BSCL2: variants seen among roughly 807,000 people sequenced by gnomAD.
BSCL2 encodes the protein BSCL2 lipid droplet biogenesis associated, seipin.
A neutral mutation model predicts 57.4 loss-of-function variants in BSCL2; 41 were observed. That is an observed-to-expected ratio of 0.71 (90% CI 0.56 to 0.93). BSCL2 has a LOEUF of 0.93. Among genes scored for constraint, BSCL2 ranks in the 40% least tolerant of loss-of-function variants. The probability of loss-of-function intolerance (pLI) is 0.00; values close to 1 mark genes in which losing one functional copy is unlikely to be tolerated. For synonymous variants in BSCL2, 237 were observed against 227.3 expected, an observed-to-expected ratio of 1.04 and a Z score of -0.38; for missense variants, 539 against 586.7, an observed-to-expected ratio of 0.92 and a Z score of 0.84.
chr11:62,692,475 T>C lies in BSCL2; in HGVS notation c.766-2A>G, dbSNP rs1013079991. The C allele has an allele frequency of 6.2e-7, 1 of 1,613,706 alleles. No individual in the cohort carries two copies. Among genetic ancestry groups the C allele is most frequent in the South Asian group, 1.1e-5 (1 of 91,078 alleles). On this transcript the variant is annotated splice_acceptor_variant, in intron 5 of 10. Coordinates refer to ENST00000360796, the MANE Select transcript of BSCL2 (RefSeq NM_001122955.4). LOFTEE classifies it high-confidence loss of function. Reference sequence around the variant, plus strand: ...GATCGCTCCAGTGGTCGGCACGTACTGTGAGGGGGTGGGGTGAGGGTGGCG... The same window carrying C: ...GATCGCTCCAGTGGTCGGCACGTACCGTGAGGGGGTGGGGTGAGGGTGGCG...
intron 7 of BSCL2, 50 bp from the exon 8 acceptor site, chr11:62,691,191 A>G: frequency 1.2e-6 from 2 of 1,613,884 alleles, no homozygotes; most frequent in Non-Finnish European, 1.7e-6. Context: ...CCTCACTAAC[A>G]ATCAGGACCC....
intron 6 of BSCL2, among the ~76,000 whole-genome samples, chr11:62,692,141 C>T (rs899754277): frequency 6.6e-6 from 1 of 151,186 alleles, no homozygotes; most frequent in Non-Finnish European, 1.5e-5. Flanking sequence ...GGAAGATGAA[C>T]AGGGATGATG....
intron 3 of BSCL2, among the ~76,000 whole-genome samples, chr11:62,702,076 T>C (rs1945659514): frequency 6.6e-6 from 1 of 151,682 alleles, no homozygotes; most frequent in South Asian, 2.1e-4. Context: ...AGTCTCCTTT[T>C]TTTTTTTAAG....
intron 1 of BSCL2, 144 bp downstream of exon 1, chr11:62,706,965 A>C: frequency 1.1e-5 from 8 of 727,824 alleles, no homozygotes; most frequent in Non-Finnish European, 1.9e-5. Context: ...TGTTGTGTAC[A>C]TCTTTGCACA....
upstream of BSCL2, chr11:62,708,883 C>A: frequency 9.0e-7 from 1 of 1,107,862 alleles, no homozygotes; most frequent in Non-Finnish European, 1.4e-6. Flanking sequence ...TGTTGTGAGC[C>A]CCTTAGGCTC....
chr11:62,708,653 A>T (rs368328809), upstream of BSCL2: 115 of 1,612,786 alleles, frequency 7.1e-5, no homozygotes, highest in African/African-American at 1.4e-3. Flanking sequence ...CCTGGCTAAC[A>T]ATACCCTTCC....
intron 3 of BSCL2, among the ~76,000 whole-genome samples, chr11:62,699,616 G>C (rs948829470): frequency 1.3e-5 from 2 of 151,666 alleles, no homozygotes; most frequent in African/African-American, 4.8e-5. Context: ...CCAGGTGGGA[G>C]GACTGCCTGA....
chr11:62,692,774 G>A lies in BSCL2; in HGVS notation c.654C>T (p.Asp218=), dbSNP rs1945347212. 3 of 1,613,718 alleles carry A rather than the reference G, an allele frequency of 1.9e-6. No homozygotes were observed. Among genetic ancestry groups the A allele is most frequent in the Non-Finnish European group, 2.5e-6 (3 of 1,180,010 alleles). The change falls in exon 5 of 11, where the codon GAC becomes GAT. Residue 218 remains aspartate (D), a synonymous_variant. Transcript: ENST00000360796. The part of the protein sequence containing the change: ...SRSVMLHYRS[D]LLQMLDTLVF... ...CCAGTGTGTCCAGCATCTGGAGCAGGTCTGAGCGGTAATGCAGCATCACCT... is the reference window on the plus strand; with the variant it reads ...CCAGTGTGTCCAGCATCTGGAGCAGATCTGAGCGGTAATGCAGCATCACCT...
At chr11:62,698,206 C>CAGAATCCGCATTTTACAG (rs1426241661) in intron 3 of BSCL2, among the ~76,000 whole-genome samples, 1 of 140,674 alleles carries the variant, frequency 7.1e-6, no homozygotes, top group South Asian at 2.2e-4. Context: ...CGTGCCCGGC[C>CAGAATCCGCATTTTACAG]TCTTCTTTTT....
intron 9 of BSCL2, 36 bp from the exon 10 acceptor site, chr11:62,690,728 G>A: frequency 1.9e-6 from 3 of 1,613,796 alleles, no homozygotes; most frequent in Middle Eastern, 1.6e-4. Context: ...GTCAGACCCA[G>A]ACACTGAAGG....
At chr11:62,703,803 T>C (rs1320977339) in intron 2 of BSCL2, among the ~76,000 whole-genome samples, 1 of 151,916 alleles carries the variant, frequency 6.6e-6, no homozygotes, top group Non-Finnish European at 1.5e-5. Flanking sequence ...CATCTGTTGA[T>C]AGGTCCTACA....
chr11:62,695,355 A>G (rs1440542311), intron 3 of BSCL2, among the ~76,000 whole-genome samples: 1 of 152,096 alleles, frequency 6.6e-6, no homozygotes, highest in Non-Finnish European at 1.5e-5. Context: ...GTAGTATATA[A>G]AAATTACAGG....
At chr11:62,702,408 G>C in intron 3 of BSCL2, 60 bp downstream of exon 3, 1 of 1,470,586 alleles carries the variant, frequency 6.8e-7, no homozygotes, top group Non-Finnish European at 9.5e-7. Context: ...CCTTTCTCAA[G>C]TCTTCCTATT....
intron 4 of BSCL2, among the ~76,000 whole-genome samples, chr11:62,694,197 T>A (rs1349754186): frequency 2.2e-4 from 1 of 4,548 alleles, no homozygotes; most frequent in Admixed American, 2.8e-3. Flanking sequence ...CAGACATTCT[T>A]TTTTTTTTTT....
rs1408377651 is a variant in BSCL2 at position 62,706,969 on chromosome 11, T to C, written c.87+140A>G. Reference sequence around the variant, plus strand: ...GGCAAGGCCAGTGTTGTGTACATCTTTGCACACTGCTGCGGGCGTGGGAAG... The same window carrying C: ...GGCAAGGCCAGTGTTGTGTACATCTCTGCACACTGCTGCGGGCGTGGGAAG... On this transcript the variant is annotated intron_variant, in intron 1 of 10. Transcript: ENST00000360796. 7 of 746,740 alleles carry C rather than the reference T, an allele frequency of 9.4e-6. No individual in the cohort carries two copies. The African/African-American group carries it at 1.2e-4, about 13-fold the overall frequency. The allele number at this position is 746,740 out of a possible 1,614,324, so 46.3% of individuals were successfully genotyped here.
chr11:62,691,468 G>A (rs373415530), intron 6 of BSCL2, 47 bp from the exon 7 acceptor site: 12 of 1,600,686 alleles, frequency 7.5e-6, no homozygotes, highest in Non-Finnish European at 9.4e-6. Flanking sequence ...TTACCAGAGA[G>A]CACCAGCCTT....
At chr11:62,708,273 G>A (rs759807182), upstream of BSCL2, 3 of 1,493,918 alleles carry the variant, frequency 2.0e-6, no homozygotes, top group East Asian at 2.3e-5. Context: ...ACTGTGCTCT[G>A]AGAGGTCCCT....
At chr11:62,705,756 A>G in intron 1 of BSCL2, 139 bp from the exon 2 acceptor site, 1 of 865,072 alleles carries the variant, frequency 1.2e-6, no homozygotes, top group Non-Finnish European at 1.7e-6. Context: ...CCTTTCTCCA[A>G]ATGATTGTGC....
At chr11:62,698,214 T>C (rs1462879206) in intron 3 of BSCL2, among the ~76,000 whole-genome samples, 1 of 133,544 alleles carries the variant, frequency 7.5e-6, no homozygotes, top group Non-Finnish European at 1.6e-5. Context: ...GCCTCTTCTT[T>C]TTGAGATGGA....
Sources: gnomAD v4.1 joint callset for allele counts (sites outside exome capture counted in the v4.1 genomes callset) on GRCh38, gnomAD v4.1.1 for gene constraint, MANE v1.5 for transcripts, NCBI Gene and HGNC (gene_info 2026-07-23, HGNC 2026-07-21) for gene names.